The following PXDNL variants were observed in gnomAD, a reference collection of about 807,000 sequenced individuals.
The protein encoded by PXDNL is peroxidasin like.
PXDNL carries 145 observed loss-of-function variants against 150.8 expected under a neutral mutation model. That is an observed-to-expected ratio of 0.96 (90% CI 0.84 to 1.10). The LOEUF (loss-of-function observed/expected upper bound fraction) is 1.10. PXDNL is among the 50% of genes least tolerant of loss of function. The pLI is 0.00. For synonymous variants in PXDNL, 757 were observed against 725.7 expected (o/e 1.04, Z -0.69); for missense variants, 2,087 against 1,873.9 (o/e 1.11, Z -2.10).
At chr8:51,696,210 C>A (rs999349707) in intron 1 of PXDNL, among the ~76,000 whole-genome samples, 2 of 152,156 alleles carry the variant, frequency 1.3e-5, no homozygotes, top group African/African-American at 4.8e-5. Flanking sequence ...AAGCCCTAAA[C>A]CCCCATCTGA....
chr8:51,409,253 C>G lies in PXDNL; in HGVS notation c.2371G>C (p.Ala791Pro). 1.3e-6 allele frequency: 2 copies of G among 1,492,694 alleles called. No individual in the cohort carries two copies. The highest frequency in any genetic ancestry group is 1.8e-6 in the Non-Finnish European group (2 of 1,123,940). The allele number at this position is 1,492,694 out of a possible 1,614,324, so 92.5% of individuals were successfully genotyped here. Residue 791 changes from alanine (A) to proline (P), a missense_variant, in exon 17 of 23, where the codon GCG (alanine) becomes CCG (proline). By Grantham distance (27) the Ala-to-Pro change is conservative (BLOSUM62 -1). Coordinates refer to ENST00000356297, the MANE Select transcript of PXDNL (RefSeq NM_144651.5). Reference protein sequence around the residue: ...RLVATVWARAAAVTPDHSYTR... With the variant: ...RLVATVWARAPAVTPDHSYTR... ...TAGCTGTGGTCGGGGGTGACGGCCGCCGCGCGCGCCCACACTGTGGCGACC... is the reference window on the plus strand; with the variant it reads ...TAGCTGTGGTCGGGGGTGACGGCCGGCGCGCGCGCCCACACTGTGGCGACC...
chr8:51,574,260 A>C (rs1290091956), intron 3 of PXDNL, among the ~76,000 whole-genome samples: 1 of 152,016 alleles, frequency 6.6e-6, no homozygotes, highest in South Asian at 2.1e-4. Context: ...AAAAATACTT[A>C]TCTACTGAAG....
At chr8:51,660,342 C>T (rs956622210) in intron 1 of PXDNL, among the ~76,000 whole-genome samples, 3 of 152,194 alleles carry the variant, frequency 2.0e-5, no homozygotes, top group African/African-American at 7.2e-5. Flanking sequence ...ACTTGAGCCC[C>T]TTCCTGAGGA....
chr8:51,484,016 A>C (rs1810665236), intron 5 of PXDNL, among the ~76,000 whole-genome samples: 1 of 152,242 alleles, frequency 6.6e-6, no homozygotes, highest in Non-Finnish European at 1.5e-5. Context: ...AGTATGAGGA[A>C]ATCAAAGTAA....
chr8:51,556,829 C>G lies in PXDNL; in HGVS notation c.380+11G>C. The G allele has an allele frequency of 6.8e-7, 1 of 1,470,480 alleles. No homozygotes were observed. The highest frequency in any genetic ancestry group is 9.5e-7 in the Non-Finnish European group (1 of 1,051,704). 91.1% of individuals were successfully genotyped at this position (1,470,480 alleles called of 1,614,324 possible). ...CATGAGTGATTTAATAAAAAAGTTTCTATTACTTACAGATGTTCCAAAGAT... is the reference window on the plus strand; with the variant it reads ...CATGAGTGATTTAATAAAAAAGTTTGTATTACTTACAGATGTTCCAAAGAT... On this transcript the variant is annotated intron_variant, in intron 4 of 22. Transcript: ENST00000356297.
intron 12 of PXDNL, among the ~76,000 whole-genome samples, chr8:51,428,926 T>A (rs1034848563): frequency 2.4e-4 from 4 of 16,656 alleles, no homozygotes; most frequent in African/African-American, 3.9e-4. Flanking sequence ...GGAGAAAATA[T>A]TTGCAAACCA....
chr8:51,472,681 A>G (rs574582612), intron 7 of PXDNL, among the ~76,000 whole-genome samples: 7 of 152,286 alleles, frequency 4.6e-5, no homozygotes, highest in African/African-American at 1.2e-4. Context: ...ACAATTAGCT[A>G]TCTAAGCACC....
chr8:51,628,517 T>G (rs1814415919), intron 2 of PXDNL, among the ~76,000 whole-genome samples: 1 of 144,726 alleles, frequency 6.9e-6, no homozygotes, highest in South Asian at 2.3e-4. Flanking sequence ...GCAATTATCC[T>G]GCCTCAGCCT....
At chr8:51,433,538 A>C (rs1462102948) in intron 12 of PXDNL, among the ~76,000 whole-genome samples, 1 of 152,098 alleles carries the variant, frequency 6.6e-6, no homozygotes, top group Non-Finnish European at 1.5e-5. Flanking sequence ...CTCTTATATT[A>C]TCTGCAAAAC....
At chr8:51,444,780 C>T (rs1809635592) in intron 12 of PXDNL, among the ~76,000 whole-genome samples, 2 of 152,210 alleles carry the variant, frequency 1.3e-5, no homozygotes, top group African/African-American at 4.8e-5. Context: ...TCCATTCCCA[C>T]CACTGTGATC....
rs765562609 is a variant in PXDNL, at chr8:51,483,708, CAAAAATCTG to C, written c.453-3_458del. 7.9e-5 allele frequency: 116 copies of C among 1,476,564 alleles called. No homozygotes were observed. The highest frequency in any genetic ancestry group is 1.0e-4 in the Non-Finnish European group (112 of 1,083,674). 91.5% of individuals were successfully genotyped at this position (1,476,564 alleles called of 1,614,324 possible). Reference sequence around the variant, plus strand: ...GAATTTTAGATAATTTGTTGTTATGCAAAAATCTGAAAAAGAAAAGATAAACTTTAATCA... The same window carrying C: ...GAATTTTAGATAATTTGTTGTTATGCAAAAAGAAAAGATAAACTTTAATCA... On this transcript the variant is annotated splice_acceptor_variant and splice_polypyrimidine_tract_variant and coding_sequence_variant and intron_variant, in exon 6 of 23. Transcript: ENST00000356297. LOFTEE classifies it high-confidence loss of function.
chr8:51,475,219 T>A, intron 6 of PXDNL, 78 bp from the exon 7 acceptor site: 2 of 1,359,648 alleles, frequency 1.5e-6, no homozygotes, highest in Non-Finnish European at 2.0e-6. Context: ...TGGTAATATT[T>A]AATTTCCCCT....
chr8:51,627,492 G>A (rs1049374321), intron 2 of PXDNL, among the ~76,000 whole-genome samples: 1 of 152,126 alleles, frequency 6.6e-6, no homozygotes, highest in Admixed American at 6.5e-5. Flanking sequence ...TTTCATTATA[G>A]TGGCAAGAAA....
rs1810359313 is a variant in PXDNL, at chr8:51,472,265, A to G, written c.734T>C (p.Val245Ala). The change falls in exon 8 of 23, where the codon GTA becomes GCA. Residue 245 changes from valine (V) to alanine (A), a missense_variant. Physicochemically the swap from Val to Ala is moderately conservative, Grantham distance 64 (BLOSUM62 0). Coordinates refer to ENST00000356297, the MANE Select transcript of PXDNL (RefSeq NM_144651.5). ...RITFEPQDVE[V>A]PSGNTVYFTC... ...GAAGTAGACGGTATTTCCTGATGGT[A>G]CCTCCACATCCTGCGGCTCAAAAGT... 2.5e-6 allele frequency: 4 copies of G among 1,613,390 alleles called. No homozygotes were observed. The highest frequency in any genetic ancestry group is 3.4e-6 in the Non-Finnish European group (4 of 1,179,516).
intron 1 of PXDNL, among the ~76,000 whole-genome samples, chr8:51,711,892 G>A (rs140300455): frequency 6.6e-6 from 1 of 152,178 alleles, no homozygotes; most frequent in East Asian, 1.9e-4. Flanking sequence ...AAACACCAGG[G>A]GTTTGTTCTA....
intron 2 of PXDNL, among the ~76,000 whole-genome samples, chr8:51,596,106 G>C (rs894879572): frequency 3.3e-5 from 5 of 152,016 alleles, no homozygotes; most frequent in Admixed American, 2.6e-4. Flanking sequence ...TTATGTCCGA[G>C]TATCCAGTGT....
chr8:51,352,872 A>G (rs1431622), intron 19 of PXDNL, among the ~76,000 whole-genome samples: 112,061 of 152,038 alleles, frequency 0.74, 41,818 homozygotes, highest in East Asian at 0.94. Flanking sequence ...AATAGCACAT[A>G]TTCTCACTTA....
chr8:51,585,892 C>T (rs566342977), intron 3 of PXDNL, among the ~76,000 whole-genome samples: 1 of 152,176 alleles, frequency 6.6e-6, no homozygotes, highest in South Asian at 2.1e-4. Flanking sequence ...GATATGGCCC[C>T]TTTTCTCTTT....
rs1491355873 is a variant in PXDNL at position 51,577,923 on chromosome 8, A to AAAG, written c.308+14703_308+14704insCTT. 1.4e-3 allele frequency among the ~76,000 whole-genome samples: 61 copies of AAAG among 42,400 alleles called. 11 individuals carry two copies. Among genetic ancestry groups the AAAG allele is most frequent in the East Asian group, 4.5e-3 (8 of 1,760 alleles). 27.8% of individuals were successfully genotyped at this position (42,400 alleles called of 152,430 possible). On this transcript the variant is annotated intron_variant, in intron 3 of 22. Coordinates refer to ENST00000356297, the MANE Select transcript of PXDNL (RefSeq NM_144651.5). ...AGAAAGAAAGAGAAAGAAAAGAAAG[A>AAAG]AAAGAAAGAAAGAAAGAAAGAAAGA...
Sources: gnomAD v4.1 joint callset for allele counts (sites outside exome capture counted in the v4.1 genomes callset) on GRCh38, gnomAD v4.1.1 for gene constraint, MANE v1.5 for transcripts, NCBI Gene and HGNC (gene_info 2026-07-23, HGNC 2026-07-21) for gene names.